Variants in MCHR2 observed in about 807,000 individuals in gnomAD.
MCHR2 encodes the protein melanin concentrating hormone receptor 2.
Under a neutral mutation model 24.8 loss-of-function variants are expected in MCHR2, and 15 were observed. That is an observed-to-expected ratio of 0.60 (90% CI 0.40 to 0.93). MCHR2 has a LOEUF of 0.93. MCHR2 is among the 40% of genes least tolerant of loss of function. MCHR2 has a pLI of 0.00. For synonymous variants in MCHR2, 151 were observed against 147.6 expected, an observed-to-expected ratio of 1.02 and a Z score of -0.17; for missense variants, 386 against 408.7, an observed-to-expected ratio of 0.94 and a Z score of 0.48.
intron 5 of MCHR2, among the ~76,000 whole-genome samples, chr6:99,926,823 C>A (rs192765812): frequency 1.1e-3 from 170 of 152,044 alleles, no homozygotes; most frequent in East Asian, 1.7e-3. Flanking sequence ...TTTGCTGTGC[C>A]GAAGCTCTTC....
intron 1 of MCHR2, among the ~76,000 whole-genome samples, chr6:99,974,856 G>T (rs1184851249): frequency 6.6e-6 from 1 of 152,180 alleles, no homozygotes; most frequent in African/African-American, 2.4e-5. Flanking sequence ...CAGCAGTGGT[G>T]GCTGCAGAAC....
chr6:99,943,103 TC>T lies in MCHR2; in HGVS notation c.432del (p.Trp144Ter). ...ATCCGGATGGTCTTGTACCTTGTTCTCCAACGTGTCAGTCGAAATGGTTGGA... is the reference window on the plus strand; with the variant it reads ...ATCCGGATGGTCTTGTACCTTGTTCTCAACGTGTCAGTCGAAATGGTTGGA... The part of the protein sequence containing the change: ...ALVQPFRLTR[W>X]RTRYKTIRIN... On this transcript the variant is annotated frameshift_variant, in exon 4 of 6. Transcript: ENST00000281806. LOFTEE classifies it high-confidence loss of function. 6.2e-7 allele frequency: 1 copy of T among 1,610,986 alleles called. No individual in the cohort carries two copies. The highest frequency in any genetic ancestry group is 8.5e-7 in the Non-Finnish European group (1 of 1,178,118).
At chr6:99,944,053 G>C (rs1257611041) in intron 3 of MCHR2, among the ~76,000 whole-genome samples, 1 of 152,212 alleles carries the variant, frequency 6.6e-6, no homozygotes, top group African/African-American at 2.4e-5. Context: ...AGAAGTCACA[G>C]TGAGGATTAA....
intron 1 of MCHR2, among the ~76,000 whole-genome samples, chr6:99,957,889 C>T (rs980296403): frequency 2.0e-5 from 3 of 151,974 alleles, no homozygotes; most frequent in African/African-American, 7.2e-5. Context: ...TTTGAAGACT[C>T]ATTAATCTAT....
At chr6:99,948,507 A>G (rs1488646447) in intron 2 of MCHR2, among the ~76,000 whole-genome samples, 1 of 152,128 alleles carries the variant, frequency 6.6e-6, no homozygotes, top group African/African-American at 2.4e-5. Context: ...AGCCGCAGCC[A>G]AGCCTTCAGA....
At chr6:99,976,274 C>T (rs921036934) in intron 1 of MCHR2, among the ~76,000 whole-genome samples, 1 of 152,134 alleles carries the variant, frequency 6.6e-6, no homozygotes, top group Non-Finnish European at 1.5e-5. Flanking sequence ...ATATAACATC[C>T]ATTTCTGAAC....
At position 99,942,988 on chromosome 6, in the gene MCHR2, C is replaced by A. The variant is rs143867311; in HGVS notation, c.548G>T (p.Ser183Ile). ...KVIKFKDGVE[S>I]CAFDLTSPDD... is the part of the protein sequence containing the mutation. ...AGGGGATGTCAAATCAAAAGCACAACTCTCAACACCGTCTTTAAATTTGAT... is the reference window on the plus strand; with the variant it reads ...AGGGGATGTCAAATCAAAAGCACAAATCTCAACACCGTCTTTAAATTTGAT... Residue 183 changes from serine to isoleucine, a missense_variant, in exon 4 of 6, where the codon AGT (serine) becomes ATT (isoleucine). Transcript: ENST00000281806. 214 of 1,612,582 alleles carry A rather than the reference C, an allele frequency of 1.3e-4. 1 individual carries two copies. Among genetic ancestry groups the A allele is most frequent in the Non-Finnish European group, 1.3e-4 (159 of 1,179,132 alleles).
In MCHR2 at chr6:99,921,061, A is replaced by G. The variant is rs1473370458; in HGVS notation, c.902T>C (p.Ile301Thr). 2 of 1,614,056 alleles carry G rather than the reference A, an allele frequency of 1.2e-6. No individual in the cohort carries two copies. The highest frequency in any genetic ancestry group is 1.3e-5 in the African/African-American group (1 of 74,910). ...SICLSYASSS[I>T]NPFLYILLSG... Reference sequence around the variant, plus strand: ...CAGCAGGATGTAGAGAAAAGGGTTAATGCTGCTGCTGGCATAGCTGAGACA... The same window carrying G: ...CAGCAGGATGTAGAGAAAAGGGTTAGTGCTGCTGCTGGCATAGCTGAGACA... The change falls in exon 6 of 6, where the codon ATT (isoleucine) becomes ACT (threonine). Residue 301 changes from isoleucine to threonine, a missense_variant. Coordinates refer to ENST00000281806, the MANE Select transcript of MCHR2 (RefSeq NM_001040179.2).
At chr6:99,944,492 C>A (rs948939732) in intron 3 of MCHR2, among the ~76,000 whole-genome samples, 3 of 152,134 alleles carry the variant, frequency 2.0e-5, no homozygotes, top group Admixed American at 6.6e-5. Context: ...TGTCCTCTTG[C>A]GCTTTCAATT....
At chr6:99,941,168 G>C (rs990767983) in intron 4 of MCHR2, among the ~76,000 whole-genome samples, 2 of 151,274 alleles carry the variant, frequency 1.3e-5, no homozygotes, top group South Asian at 2.1e-4. Context: ...TCATGTGTTT[G>C]GTGTCAGGCA....
intron 5 of MCHR2, among the ~76,000 whole-genome samples, chr6:99,926,749 T>C (rs1774368775): frequency 1.3e-5 from 2 of 152,212 alleles, no homozygotes; most frequent in Non-Finnish European, 2.9e-5. Flanking sequence ...CTTTGTCAGA[T>C]GAGTAGGTTG....
chr6:99,950,352 T>C (rs930686976), intron 2 of MCHR2, among the ~76,000 whole-genome samples: 5 of 152,320 alleles, frequency 3.3e-5, no homozygotes, highest in African/African-American at 1.2e-4. Context: ...TTTTTAGGTC[T>C]AATTTATCTT....
intron 4 of MCHR2, 56 bp from the exon 5 acceptor site, chr6:99,934,573 T>C: frequency 7.0e-7 from 1 of 1,435,150 alleles, no homozygotes; most frequent in South Asian, 1.6e-5. Context: ...TTACATTAAT[T>C]GGATTAGGAA....
At chr6:99,935,112 GTATATGTGA>G (rs1421194082) in intron 4 of MCHR2, among the ~76,000 whole-genome samples, 1 of 151,972 alleles carries the variant, frequency 6.6e-6, no homozygotes, top group African/African-American at 2.4e-5. Context: ...TCATTTCAGA[GTATATGTGA>G]TAGTTTAATA....
At chr6:99,973,805 C>T (rs900894591) in intron 1 of MCHR2, among the ~76,000 whole-genome samples, 6 of 152,108 alleles carry the variant, frequency 3.9e-5, no homozygotes, top group African/African-American at 1.4e-4. Context: ...TATTTTATTT[C>T]TCCTTCACTT....
intron 1 of MCHR2, among the ~76,000 whole-genome samples, chr6:99,973,322 C>G (rs545770272): frequency 4.3e-4 from 66 of 151,824 alleles, no homozygotes; most frequent in African/African-American, 1.6e-3. Context: ...ATGTAATGGC[C>G]TTCTTTGTCT....
chr6:99,973,247 C>T (rs987964806), intron 1 of MCHR2, among the ~76,000 whole-genome samples: 5 of 151,706 alleles, frequency 3.3e-5, no homozygotes, highest in African/African-American at 1.2e-4. Flanking sequence ...CTGGGTGCTC[C>T]TGTATTGGGT....
At chr6:99,976,250 A>C (rs1295374846) in intron 1 of MCHR2, among the ~76,000 whole-genome samples, 1 of 152,284 alleles carries the variant, frequency 6.6e-6, no homozygotes, top group East Asian at 1.9e-4. Flanking sequence ...TTATCTCTTC[A>C]AATGACAATG....
At chr6:99,975,659 C>T (rs1025409246) in intron 1 of MCHR2, among the ~76,000 whole-genome samples, 8 of 152,206 alleles carry the variant, frequency 5.3e-5, no homozygotes, top group African/African-American at 1.4e-4. Flanking sequence ...CCATCTTCTG[C>T]GTCGCTCACG....
Sources: gnomAD v4.1 joint callset for allele counts (sites outside exome capture counted in the v4.1 genomes callset) on GRCh38, gnomAD v4.1.1 for gene constraint, MANE v1.5 for transcripts, NCBI Gene and HGNC (gene_info 2026-07-23, HGNC 2026-07-21) for gene names.